The following PCDH7 variants were observed in gnomAD, a reference collection of about 807,000 sequenced individuals.
PCDH7 encodes protocadherin 7.
In PCDH7, 17 loss-of-function variants were observed where a neutral mutation model predicts 58.9. That is an observed-to-expected ratio of 0.29 (90% CI 0.20 to 0.43). The LOEUF is 0.43. Among genes scored for constraint, PCDH7 ranks in the 20% least tolerant of loss-of-function variants. The pLI, the probability that PCDH7 is intolerant of heterozygous loss-of-function variation, is 1.00. For synonymous variants in PCDH7, 664 were observed against 616.4 expected (o/e 1.08, Z -1.14); for missense variants, 1,274 against 1,441.0 (o/e 0.88, Z 1.88).
At chr4:30,915,904 T>C (rs542240053) in intron 1 of PCDH7, among the ~76,000 whole-genome samples, 4 of 152,250 alleles carry the variant, frequency 2.6e-5, no homozygotes, top group Admixed American at 6.5e-5. Context: ...GTATTATCTA[T>C]CCAATTTCTT....
intron 1 of PCDH7, among the ~76,000 whole-genome samples, chr4:30,901,383 G>A (rs974112829): frequency 6.6e-6 from 1 of 152,100 alleles, no homozygotes; most frequent in Non-Finnish European, 1.5e-5. Flanking sequence ...AGCAGCCAAG[G>A]CAGATTAAAA....
At chr4:31,013,129 G>A (rs1753322567) in intron 3 of PCDH7, among the ~76,000 whole-genome samples, 1 of 150,358 alleles carries the variant, frequency 6.7e-6, no homozygotes, top group Non-Finnish European at 1.5e-5. Context: ...TGAGGCTGCA[G>A]TGAGCTGTGA....
At chr4:31,052,616 A>G (rs1756846816) in intron 3 of PCDH7, among the ~76,000 whole-genome samples, 1 of 152,178 alleles carries the variant, frequency 6.6e-6, no homozygotes, top group Non-Finnish European at 1.5e-5. Context: ...AAAATATAGT[A>G]AGTGACTGGA....
At chr4:30,774,484 G>A (rs929076990) in intron 1 of PCDH7, among the ~76,000 whole-genome samples, 14 of 152,060 alleles carry the variant, frequency 9.2e-5, no homozygotes, top group African/African-American at 2.7e-4. Flanking sequence ...TTTAAATTCC[G>A]CAGAATCCTC....
intron 1 of PCDH7, among the ~76,000 whole-genome samples, chr4:30,749,255 G>A (rs1367227805): frequency 6.6e-6 from 1 of 152,138 alleles, no homozygotes. Flanking sequence ...GATACTAATG[G>A]AAATATTACC....
At chr4:31,089,725 C>T (rs1712977967) in intron 3 of PCDH7, among the ~76,000 whole-genome samples, 1 of 151,866 alleles carries the variant, frequency 6.6e-6, no homozygotes, top group South Asian at 2.1e-4. Context: ...CATTTTTTCC[C>T]CACAATTTTA....
intron 1 of PCDH7, among the ~76,000 whole-genome samples, chr4:30,818,523 A>C (rs1727972599): frequency 6.6e-6 from 1 of 152,138 alleles, no homozygotes; most frequent in Non-Finnish European, 1.5e-5. Flanking sequence ...TTTCCCCTTG[A>C]AGAGAATCTA....
intron 1 of PCDH7, among the ~76,000 whole-genome samples, chr4:30,835,509 CT>C (rs1453759112): frequency 6.6e-6 from 1 of 152,148 alleles, no homozygotes; most frequent in African/African-American, 2.4e-5. Flanking sequence ...GAAAAATTGT[CT>C]TCCAGGAAAC....
chr4:30,806,068 G>T, intron 1 of PCDH7, among the ~76,000 whole-genome samples: 1 of 152,164 alleles, frequency 6.6e-6, no homozygotes, highest in East Asian at 1.9e-4. Context: ...GGTGCTCAAA[G>T]GTTTTAGAGC....
At chr4:30,867,740 T>C (rs1437568359) in intron 1 of PCDH7, among the ~76,000 whole-genome samples, 1 of 152,060 alleles carries the variant, frequency 6.6e-6, no homozygotes, top group Non-Finnish European at 1.5e-5. Flanking sequence ...TGTCTATTTG[T>C]CCCTGTCACT....
intron 3 of PCDH7, among the ~76,000 whole-genome samples, chr4:31,088,302 G>T (rs890470309): frequency 2.6e-5 from 4 of 151,852 alleles, no homozygotes; most frequent in Non-Finnish European, 4.4e-5. Flanking sequence ...GTTAATTTTG[G>T]GAGATGTATA....
chr4:30,992,921 C>T (rs1480545485), intron 3 of PCDH7, among the ~76,000 whole-genome samples: 3 of 151,300 alleles, frequency 2.0e-5, no homozygotes, highest in Admixed American at 2.0e-4. Context: ...GCCTCAGCCT[C>T]CTGAGTAGCT....
chr4:31,035,277 G>A (rs144022533), intron 3 of PCDH7, among the ~76,000 whole-genome samples: 2,426 of 123,998 alleles, frequency 0.02, 75 homozygotes, highest in African/African-American at 0.071. Flanking sequence ...TTTTTGAGAC[G>A]GAGTCTCACT....
intron 1 of PCDH7, among the ~76,000 whole-genome samples, chr4:30,898,565 C>T (rs543433230): frequency 3.3e-5 from 5 of 152,290 alleles, no homozygotes; most frequent in African/African-American, 9.6e-5. Context: ...AATTACTAAA[C>T]GCACATCTTG....
intron 1 of PCDH7, among the ~76,000 whole-genome samples, chr4:30,897,342 A>G (rs1739583327): frequency 6.6e-6 from 1 of 152,224 alleles, no homozygotes. Flanking sequence ...AACCATATTT[A>G]GTAAATGCTA....
chr4:30,765,004 C>T (rs530691331), intron 1 of PCDH7, among the ~76,000 whole-genome samples: 4 of 151,938 alleles, frequency 2.6e-5, no homozygotes, highest in Non-Finnish European at 5.9e-5. Context: ...CAGACGTGAG[C>T]CACCGCGCCC....
At chr4:30,913,979 G>C (rs768107516) in intron 1 of PCDH7, among the ~76,000 whole-genome samples, 10 of 151,974 alleles carry the variant, frequency 6.6e-5, no homozygotes, top group Admixed American at 1.3e-4. Flanking sequence ...CACTGTAATC[G>C]CACACCCCTT....
intron 3 of PCDH7, among the ~76,000 whole-genome samples, chr4:31,016,964 T>G (rs77730351): frequency 1.3e-5 from 2 of 151,430 alleles, no homozygotes; most frequent in East Asian, 3.9e-4. Context: ...TATGTGTTTG[T>G]GTGTGTGTGT....
At chr4:31,068,198 A>G (rs1463851) in intron 3 of PCDH7, among the ~76,000 whole-genome samples, 94,484 of 151,674 alleles carry the variant, frequency 0.62, 31,607 homozygotes, top group African/African-American at 0.89. Context: ...TCTGCTAACT[A>G]AAGAGAAAGT....
Sources: allele counts gnomAD v4.1 joint callset (sites outside exome capture counted in the v4.1 genomes callset), GRCh38; gene constraint gnomAD v4.1.1; transcripts MANE v1.5; gene names NCBI Gene and HGNC (gene_info 2026-07-23, HGNC 2026-07-21).